The following HSPD1 variants were observed in gnomAD, a reference collection of about 807,000 sequenced individuals.
The protein encoded by HSPD1 is heat shock protein family D (Hsp60) member 1.
Under a neutral mutation model 53.0 loss-of-function variants are expected in HSPD1, and 3 were observed. The ratio of observed to expected loss-of-function variants is 0.06; its 90% CI spans 0.03 to 0.15. HSPD1 has a LOEUF of 0.15. Among genes scored for constraint, HSPD1 ranks in the 10% least tolerant of loss-of-function variants. HSPD1 has a pLI of 1.00. For synonymous variants in HSPD1, 200 were observed against 228.0 expected (o/e 0.88, Z 1.10); for missense variants, 431 against 694.1 (o/e 0.62, Z 4.26).
intron 2 of HSPD1, among the ~76,000 whole-genome samples, chr2:197,497,937 T>G (rs79451133): frequency 0.016 from 2,399 of 152,332 alleles, 66 homozygotes; most frequent in African/African-American, 0.055. Flanking sequence ...GTTGGATCAC[T>G]TGATATCTGA....
At chr2:197,488,295 C>G in intron 10 of HSPD1, 22 bp downstream of exon 10, 1 of 1,610,008 alleles carries the variant, frequency 6.2e-7, no homozygotes, top group South Asian at 1.1e-5. Context: ...GCCACAAACT[C>G]ATTTAAAAGG....
At chr2:197,500,195 C>G, upstream of HSPD1, 1 of 593,212 alleles carries the variant, frequency 1.7e-6, no homozygotes, top group East Asian at 2.8e-5. Flanking sequence ...AGAAACAGCT[C>G]CTTTTTTCTT....
intron 7 of HSPD1, chr2:197,490,580 C>T (rs1559301249): frequency 1.8e-5 from 7 of 388,620 alleles, no homozygotes; most frequent in East Asian, 1.2e-4. Context: ...CCTGTAATCC[C>T]GGCACTTTGC....
intron 11 of HSPD1, 146 bp from the exon 12 acceptor site, chr2:197,487,344 C>G (rs555343444): frequency 1.4e-6 from 1 of 713,124 alleles, no homozygotes; most frequent in South Asian, 1.6e-5. Flanking sequence ...GTTAGGAGTT[C>G]AAGACCAGCC....
At chr2:197,495,489 A>ATT (rs879711936) in intron 3 of HSPD1, 113 bp from the exon 4 acceptor site, 213 of 537,038 alleles carry the variant, frequency 4.0e-4, no homozygotes, top group Middle Eastern at 1.0e-3. Flanking sequence ...AAAAAAAAAA[A>ATT]TTTTTTTTTT....
At chr2:197,488,907 C>A (rs1315225328) in intron 9 of HSPD1, 95 bp downstream of exon 9, 4 of 1,273,604 alleles carry the variant, frequency 3.1e-6, no homozygotes, top group Non-Finnish European at 4.6e-6. Context: ...CTCAAGTATT[C>A]GTTTAGTTCT....
chr2:197,495,739 A>G (rs1041673205), intron 3 of HSPD1, among the ~76,000 whole-genome samples: 1 of 151,876 alleles, frequency 6.6e-6, no homozygotes, highest in African/African-American at 2.4e-5. Flanking sequence ...GACTACAGGC[A>G]TGTACCTATG....
chr2:197,490,364 G>T, intron 7 of HSPD1, 68 bp from the exon 8 acceptor site: 1 of 1,207,330 alleles, frequency 8.3e-7, no homozygotes, highest in Non-Finnish European at 1.2e-6. Flanking sequence ...TTCCCCTCAA[G>T]CTGTTACTAG....
intron 8 of HSPD1, 72 bp from the exon 9 acceptor site, chr2:197,489,319 C>G: frequency 1.4e-6 from 2 of 1,428,236 alleles, no homozygotes; most frequent in Admixed American, 1.7e-5. Context: ...TATTAATACA[C>G]CATGCAAGAG....
chr2:197,500,119 C>A (rs1418649552), upstream of HSPD1: 1 of 463,850 alleles, frequency 2.2e-6, no homozygotes, highest in East Asian at 3.7e-5. Flanking sequence ...AGGGTCAAAT[C>A]GCGTCATTTC....
chr2:197,492,545 T>C (rs535132932), intron 7 of HSPD1, among the ~76,000 whole-genome samples: 4 of 152,000 alleles, frequency 2.6e-5, no homozygotes, highest in South Asian at 2.1e-4. Context: ...AATAATATTC[T>C]GAAAATTTAC....
At chr2:197,493,226 A>T in intron 7 of HSPD1, 98 bp downstream of exon 7, 1 of 1,006,644 alleles carries the variant, frequency 9.9e-7, no homozygotes, top group Admixed American at 1.7e-5. Context: ...CAACTGGATC[A>T]AATGTGGAGG....
rs1483662400 is a variant in HSPD1 at position 197,488,501 on chromosome 2, A to G, written c.1216-10T>C. The stretch of plus-strand genomic sequence containing the variant: ...CACTTGTCCCACCAACCTAAAGACG[A>G]AAAGAATTCCAGTTAGTATGGCCTC... On this transcript the variant is annotated splice_polypyrimidine_tract_variant and intron_variant, in intron 9 of 11. Transcript: ENST00000388968. The G allele has an allele frequency of 1.2e-6, 2 of 1,612,536 alleles. No homozygotes were observed. The highest frequency in any genetic ancestry group is 1.1e-5 in the South Asian group (1 of 91,038).
intron 11 of HSPD1, among the ~76,000 whole-genome samples, chr2:197,487,557 G>C (rs528645408): frequency 2.0e-5 from 3 of 152,274 alleles, no homozygotes; most frequent in South Asian, 4.1e-4. Context: ...CCTGTTCTGC[G>C]TATCTTGGAA....
chr2:197,488,380 C>G lies in HSPD1; in HGVS notation c.1327G>C (p.Ala443Pro). The G allele has an allele frequency of 6.2e-7, 1 of 1,613,794 alleles. No individual in the cohort carries two copies. Reference protein sequence around the residue: ...EEGIVLGGGCALLRCIPALDS... With the variant: ...EEGIVLGGGCPLLRCIPALDS... ...AAGGCTGGAATGCATCGAAGGAGGG[C>G]ACAACCCCCTCCCAAAACAATGCCT... Residue 443 changes from alanine (A) to proline (P), a missense_variant, in exon 10 of 12, where the codon GCC becomes CCC. Coordinates refer to ENST00000388968, the MANE Select transcript of HSPD1 (RefSeq NM_002156.5).
In HSPD1 at chr2:197,487,078, T is replaced by G; in HGVS notation, c.1690A>C (p.Met564Leu). The G allele has an allele frequency of 6.6e-6, 10 of 1,522,128 alleles. No homozygotes were observed. The highest frequency in any genetic ancestry group is 9.1e-6 in the Non-Finnish European group (10 of 1,096,280). The allele number at this position is 1,522,128 out of a possible 1,614,324, so 94.3% of individuals were successfully genotyped here. The change falls in exon 12 of 12, where the codon ATG becomes CTG. Residue 564 changes from methionine (M) to leucine (L), a missense_variant. Physicochemically the swap from Met to Leu is conservative, Grantham distance 15 (BLOSUM62 2). Coordinates refer to ENST00000388968, the MANE Select transcript of HSPD1 (RefSeq NM_002156.5). Reference protein sequence around the residue: ...KDPGMGAMGGMGGGMGGGMF With the variant: ...KDPGMGAMGGLGGGMGGGMF ...ATGCCACCTCCCATACCACCTCCCA[T>G]TCCACCCATTGCACCCATTCCAGGG...
chr2:197,499,311 G>C (rs1040416685), intron 1 of HSPD1: 7 of 187,168 alleles, frequency 3.7e-5, no homozygotes, highest in Non-Finnish European at 7.9e-5. Context: ...CAAGGCTACT[G>C]TATCAGAGCA....
Position 197,494,675 on chromosome 2 carries a change from C to T in HSPD1, c.588G>A (p.Lys196=), listed in dbSNP as rs1427209687. The T allele has an allele frequency of 6.2e-7, 1 of 1,607,632 alleles. No individual in the cohort carries two copies. ...ISDAMKKVGR[K]GVITVKDGKT... is the part of the protein sequence containing the mutation. ...CACTTGCCTTTACTGTGATGACACC[C>T]TTTCTTCCAACTTTTTTCATTGCAT... The change falls in exon 5 of 12, where the codon AAG becomes AAA. Residue 196 remains lysine, a synonymous_variant. Coordinates refer to ENST00000388968, the MANE Select transcript of HSPD1 (RefSeq NM_002156.5).
intron 7 of HSPD1, chr2:197,490,524 T>C (rs1442454822): frequency 1.9e-6 from 1 of 530,036 alleles, no homozygotes; most frequent in Non-Finnish European, 3.4e-6. Context: ...CATATCCGTT[T>C]ACCTTCTTAA....
Sources: gnomAD v4.1 joint callset for allele counts (sites outside exome capture counted in the v4.1 genomes callset) on GRCh38, gnomAD v4.1.1 for gene constraint, MANE v1.5 for transcripts, NCBI Gene and HGNC (gene_info 2026-07-23, HGNC 2026-07-21) for gene names.